Variants in CEP128 observed in about 807,000 individuals in gnomAD.
CEP128 encodes the protein centrosomal protein 128kDa.
Under a neutral mutation model 156.7 loss-of-function variants are expected in CEP128, and 132 were observed. The ratio of observed to expected loss-of-function variants is 0.84; its 90% CI spans 0.73 to 0.97. CEP128 has a LOEUF of 0.97. Among genes scored for constraint, CEP128 ranks in the 50% least tolerant of loss-of-function variants. The probability of loss-of-function intolerance (pLI) is 0.00; values close to 1 mark genes in which losing one functional copy is unlikely to be tolerated. For missense variants in CEP128, 1,252 were observed against 1,281.9 expected (o/e 0.98, Z 0.36); for synonymous variants, 469 against 448.9 (o/e 1.04, Z -0.57).
intron 9 of CEP128, among the ~76,000 whole-genome samples, chr14:80,846,495 T>C (rs184048905): frequency 8.6e-4 from 131 of 152,206 alleles, no homozygotes; most frequent in African/African-American, 2.9e-3. Context: ...GTTAGTAGGA[T>C]GGTAAGATCA....
At chr14:80,520,441 C>CAAAAA (rs35203701) in intron 23 of CEP128, among the ~76,000 whole-genome samples, 3,357 of 151,156 alleles carry the variant, frequency 0.022, 51 homozygotes, top group Middle Eastern at 0.068. Flanking sequence ...AACAAACAAA[C>CAAAAA]AAAAAACAAC....
intron 19 of CEP128, among the ~76,000 whole-genome samples, chr14:80,608,307 A>C (rs553432407): frequency 6.6e-6 from 1 of 152,338 alleles, no homozygotes; most frequent in East Asian, 1.9e-4. Flanking sequence ...TTCAGGAACT[A>C]AATAACTCAG....
chr14:80,855,872 T>C (rs1389342276), intron 9 of CEP128, among the ~76,000 whole-genome samples: 2 of 152,168 alleles, frequency 1.3e-5, no homozygotes, highest in African/African-American at 2.4e-5. Flanking sequence ...AAAAACATCC[T>C]AGGTTTCATG....
chr14:80,740,865 G>T (rs1898797492), intron 19 of CEP128, among the ~76,000 whole-genome samples: 1 of 152,148 alleles, frequency 6.6e-6, no homozygotes, highest in Admixed American at 6.6e-5. Flanking sequence ...ACGCTGCTGG[G>T]AATGACTATT....
chr14:80,936,101 T>G (rs968879646), intron 2 of CEP128, among the ~76,000 whole-genome samples: 1 of 152,196 alleles, frequency 6.6e-6, no homozygotes, highest in Non-Finnish European at 1.5e-5. Context: ...AATGGACCAG[T>G]GCCTGGGAAG....
At chr14:80,792,338 A>G (rs1370732050) in intron 14 of CEP128, among the ~76,000 whole-genome samples, 1 of 152,202 alleles carries the variant, frequency 6.6e-6, no homozygotes, top group Non-Finnish European at 1.5e-5. Flanking sequence ...GCATTTTTTA[A>G]ATGCTTCTTT....
chr14:80,739,906 T>A (rs1371878647), intron 19 of CEP128, among the ~76,000 whole-genome samples: 1 of 152,180 alleles, frequency 6.6e-6, no homozygotes, highest in Non-Finnish European at 1.5e-5. Flanking sequence ...TGTAAACCAC[T>A]CTAATTAAAT....
chr14:80,551,595 T>C (rs541939018), intron 21 of CEP128, among the ~76,000 whole-genome samples: 1 of 152,338 alleles, frequency 6.6e-6, no homozygotes, highest in African/African-American at 2.4e-5. Flanking sequence ...AACAGATACA[T>C]AGGTAAGGCA....
chr14:80,785,322 A>C lies in CEP128; in HGVS notation c.1784T>G (p.Leu595Trp). 1 of 1,614,066 alleles carries C rather than the reference A, an allele frequency of 6.2e-7. No individual in the cohort carries two copies. Among genetic ancestry groups the C allele is most frequent in the Non-Finnish European group, 8.5e-7 (1 of 1,180,002 alleles). The change falls in exon 15 of 25, where the codon TTG becomes TGG. Residue 595 changes from leucine to tryptophan, a missense_variant. Coordinates refer to ENST00000555265, the MANE Select transcript of CEP128 (RefSeq NM_152446.5). ...GCTTTGGATCTTACTCTGCTTTTTCAATTCGCTCTCCAGTCTATGGATGGT... is the reference window on the plus strand; with the variant it reads ...GCTTTGGATCTTACTCTGCTTTTTCCATTCGCTCTCCAGTCTATGGATGGT... ...LDTIHRLESE[L>W]KKQSKIQSQM...
chr14:80,948,730 G>T (rs1041094520), intron 2 of CEP128, among the ~76,000 whole-genome samples: 1 of 152,144 alleles, frequency 6.6e-6, no homozygotes. Flanking sequence ...GTGTTTAAGG[G>T]AACTGAGTGC....
intron 19 of CEP128, among the ~76,000 whole-genome samples, chr14:80,692,477 G>A (rs1896752236): frequency 6.6e-6 from 1 of 152,154 alleles, no homozygotes; most frequent in East Asian, 1.9e-4. Flanking sequence ...CATGAAAACT[G>A]GAAGTAACAG....
At chr14:80,528,305 T>C (rs1820638394) in intron 22 of CEP128, among the ~76,000 whole-genome samples, 2 of 152,228 alleles carry the variant, frequency 1.3e-5, no homozygotes, top group Non-Finnish European at 1.5e-5. Context: ...TTTTTTATTT[T>C]TGAGACGGAG....
chr14:80,712,861 GCATTTCCC>G (rs963605588), intron 19 of CEP128, among the ~76,000 whole-genome samples: 9 of 152,136 alleles, frequency 5.9e-5, no homozygotes, highest in Non-Finnish European at 1.2e-4. Context: ...CCTGAGGCTT[GCATTTCCC>G]CATTATATCC....
At chr14:80,585,313 C>T (rs998854854) in intron 19 of CEP128, among the ~76,000 whole-genome samples, 3 of 152,172 alleles carry the variant, frequency 2.0e-5, no homozygotes, top group Non-Finnish European at 4.4e-5. Flanking sequence ...GTCTTTGCAA[C>T]CAGTGATCTG....
At chr14:80,613,278 A>T (rs373430378) in intron 19 of CEP128, among the ~76,000 whole-genome samples, 3 of 149,324 alleles carry the variant, frequency 2.0e-5, no homozygotes, top group East Asian at 4.0e-4. Context: ...CTCAAAACTC[A>T]AACAATGGAG....
chr14:80,799,284 C>T (rs1238822663), intron 13 of CEP128, among the ~76,000 whole-genome samples: 1 of 152,192 alleles, frequency 6.6e-6, no homozygotes, highest in Admixed American at 6.5e-5. Flanking sequence ...CCAAATAGTA[C>T]TTTAATAATT....
intron 19 of CEP128, among the ~76,000 whole-genome samples, chr14:80,613,869 G>A (rs1160558373): frequency 6.6e-6 from 1 of 152,080 alleles, no homozygotes; most frequent in Non-Finnish European, 1.5e-5. Flanking sequence ...TTTATGATGG[G>A]CAGGTTATAT....
chr14:80,627,821 C>G (rs914317666), intron 19 of CEP128, among the ~76,000 whole-genome samples: 3 of 149,442 alleles, frequency 2.0e-5, no homozygotes, highest in African/African-American at 4.9e-5. Context: ...CATGTCTGCT[C>G]ACTGAGGTTT....
At chr14:80,570,994 C>T (rs1241932738) in intron 20 of CEP128, among the ~76,000 whole-genome samples, 1 of 151,986 alleles carries the variant, frequency 6.6e-6, no homozygotes. Flanking sequence ...TATATTGTTG[C>T]CATATGTCTT....
Sources: allele counts gnomAD v4.1 joint callset (sites outside exome capture counted in the v4.1 genomes callset), GRCh38; gene constraint gnomAD v4.1.1; transcripts MANE v1.5; gene names NCBI Gene and HGNC (gene_info 2026-07-23, HGNC 2026-07-21).